Variants in SLC23A2 observed in about 807,000 individuals in gnomAD.
SLC23A2 encodes the protein solute carrier family 23 member 2.
Under a neutral mutation model 73.3 loss-of-function variants are expected in SLC23A2, and 36 were observed. The observed-to-expected ratio is 0.49, with a 90% CI of 0.38 to 0.65. The LOEUF is 0.65. Among genes scored for constraint, SLC23A2 ranks in the 30% least tolerant of loss-of-function variants. The probability of loss-of-function intolerance (pLI) is 0.00; values close to 1 mark genes in which losing one functional copy is unlikely to be tolerated. For missense variants in SLC23A2, 507 were observed against 841.6 expected (o/e 0.60, Z 4.92); for synonymous variants, 343 against 327.3 (o/e 1.05, Z -0.52).
At chr20:4,886,816 C>G (rs955074921) in intron 6 of SLC23A2, among the ~76,000 whole-genome samples, 2 of 152,128 alleles carry the variant, frequency 1.3e-5, no homozygotes, top group Admixed American at 1.3e-4. Flanking sequence ...CTCACACATC[C>G]AAATCCTGAA....
At chr20:4,997,781 G>A (rs561131759) in intron 1 of SLC23A2, among the ~76,000 whole-genome samples, 21 of 149,452 alleles carry the variant, frequency 1.4e-4, no homozygotes, top group Admixed American at 5.5e-4. Flanking sequence ...CTACTACCAC[G>A]TCCAGCGAAT....
intron 15 of SLC23A2, among the ~76,000 whole-genome samples, chr20:4,859,823 CAATT>C (rs1929887758): frequency 6.6e-6 from 1 of 152,212 alleles, no homozygotes; most frequent in Non-Finnish European, 1.5e-5. Flanking sequence ...CCTGGGTTAT[CAATT>C]AGTGCTTAGC....
chr20:4,894,857 AG>A (rs1174418153), intron 6 of SLC23A2, among the ~76,000 whole-genome samples: 1 of 152,244 alleles, frequency 6.6e-6, no homozygotes, highest in Admixed American at 6.5e-5. Context: ...AGAATGAAAC[AG>A]GTTTCCAGGA....
At chr20:4,921,782 CAAA>C (rs1474107900) in intron 3 of SLC23A2, among the ~76,000 whole-genome samples, 1 of 151,976 alleles carries the variant, frequency 6.6e-6, no homozygotes, top group East Asian at 1.9e-4. Flanking sequence ...GAAAGTTACA[CAAA>C]TAATGAAAAA....
chr20:4,993,339 G>A (rs1239914646), intron 1 of SLC23A2, among the ~76,000 whole-genome samples: 3 of 140,414 alleles, frequency 2.1e-5, no homozygotes, highest in Non-Finnish European at 4.6e-5. Context: ...GCTCACTGAA[G>A]CATTCTGAAT....
At chr20:4,917,884 G>A (rs1932382759) in intron 3 of SLC23A2, among the ~76,000 whole-genome samples, 1 of 152,122 alleles carries the variant, frequency 6.6e-6, no homozygotes, top group Admixed American at 6.5e-5. Context: ...TTGCCTAAAT[G>A]GTTCTTACAG....
intron 2 of SLC23A2, among the ~76,000 whole-genome samples, chr20:4,941,705 GAA>G: frequency 7.7e-6 from 1 of 129,546 alleles, no homozygotes; most frequent in Admixed American, 7.8e-5. Flanking sequence ...CTGTCTCGAG[GAA>G]AAAAAAAAAA....
At chr20:4,999,905 A>C (rs1033056006) in intron 1 of SLC23A2, among the ~76,000 whole-genome samples, 1 of 152,224 alleles carries the variant, frequency 6.6e-6, no homozygotes, top group Non-Finnish European at 1.5e-5. Flanking sequence ...ATTAAAAGAA[A>C]GAAGCTGGTT....
At chr20:4,989,894 G>A (rs972223725) in intron 1 of SLC23A2, among the ~76,000 whole-genome samples, 1 of 152,132 alleles carries the variant, frequency 6.6e-6, no homozygotes, top group African/African-American at 2.4e-5. Flanking sequence ...AAGTAGCATA[G>A]CAGACACGGT....
intron 13 of SLC23A2, among the ~76,000 whole-genome samples, chr20:4,866,157 C>A (rs1930189470): frequency 6.6e-6 from 1 of 152,274 alleles, no homozygotes; most frequent in East Asian, 1.9e-4. Flanking sequence ...TACTTTAAAT[C>A]ATCTCGACAT....
At chr20:4,865,186 C>T (rs1054969737) in intron 13 of SLC23A2, among the ~76,000 whole-genome samples, 4 of 152,144 alleles carry the variant, frequency 2.6e-5, no homozygotes, top group Admixed American at 6.5e-5. Context: ...GTAAAATAGA[C>T]CCTGGGTTTC....
intron 6 of SLC23A2, 48 bp from the exon 7 acceptor site, chr20:4,885,957 G>C (rs373369467): frequency 4.8e-6 from 6 of 1,239,696 alleles, no homozygotes; most frequent in Non-Finnish European, 4.7e-6. Context: ...GGGAACTACC[G>C]AGGTAGTTCA....
Position 4,915,379 on chromosome 20 carries a change from C to T in SLC23A2, c.109-2401G>A, listed in dbSNP as rs369772663. Among the ~76,000 whole-genome samples, 10 of 152,170 alleles carry T rather than the reference C, an allele frequency of 6.6e-5. No individual in the cohort carries two copies. The East Asian group carries it at 1.2e-3, about 18-fold the overall frequency. On this transcript the variant is annotated intron_variant, in intron 3 of 16. Coordinates refer to ENST00000338244, the MANE Select transcript of SLC23A2 (RefSeq NM_005116.6). ...AAAAAAAAAGACATACTCCAAAATG[C>T]TAACAGTGGTTGTCCTTAATTGGTA...
intron 2 of SLC23A2, among the ~76,000 whole-genome samples, chr20:4,936,158 C>T (rs1274714790): frequency 6.6e-6 from 1 of 152,164 alleles, no homozygotes; most frequent in Non-Finnish European, 1.5e-5. Context: ...GTGAGTTAGC[C>T]ACTGCCACCC....
Position 4,895,849 on chromosome 20 carries a change from G to C in SLC23A2, c.482+3706C>G, listed in dbSNP as rs186797853. 2.0e-4 allele frequency among the ~76,000 whole-genome samples: 31 copies of C among 152,282 alleles called. No individual in the cohort carries two copies. In the East Asian group the frequency reaches 5.8e-3, roughly 28 times the overall value. ...GATCTGGGTGTCCAAGTACCAGAGG[G>C]GGCCTCACCCTACTGAGGTCTGGCT... is the stretch of plus-strand genomic sequence containing the variant. On this transcript the variant is annotated intron_variant, in intron 6 of 16. Transcript: ENST00000338244.
upstream of SLC23A2, among the ~76,000 whole-genome samples, chr20:5,004,559 T>C (rs1233427479): frequency 3.3e-5 from 5 of 152,148 alleles, no homozygotes; most frequent in East Asian, 3.8e-4. Flanking sequence ...AAAAGGATAA[T>C]TGGAGACCAG....
At chr20:4,981,771 G>A (rs144513329) in intron 1 of SLC23A2, among the ~76,000 whole-genome samples, 1,851 of 150,348 alleles carry the variant, frequency 0.012, 45 homozygotes, top group African/African-American at 0.042. Context: ...GCAAGATCTC[G>A]GCTCACCACA....
intron 1 of SLC23A2, among the ~76,000 whole-genome samples, chr20:4,980,389 T>C (rs2087706904): frequency 6.6e-6 from 1 of 152,154 alleles, no homozygotes; most frequent in South Asian, 2.1e-4. Flanking sequence ...TCAGCACAAA[T>C]GAGCTACAAA....
At chr20:4,940,829 G>C (rs1046754399) in intron 2 of SLC23A2, among the ~76,000 whole-genome samples, 1 of 152,168 alleles carries the variant, frequency 6.6e-6, no homozygotes, top group East Asian at 1.9e-4. Context: ...GACTTGGGGG[G>C]GCGGTCAATG....
Sources: allele counts gnomAD v4.1 joint callset (sites outside exome capture counted in the v4.1 genomes callset), GRCh38; gene constraint gnomAD v4.1.1; transcripts MANE v1.5; gene names NCBI Gene and HGNC (gene_info 2026-07-23, HGNC 2026-07-21).